PCMT1: variants seen among roughly 807,000 people sequenced by gnomAD.
PCMT1 encodes the protein protein-L-isoaspartate(D-aspartate) O-methyltransferase.
A neutral mutation model predicts 29.2 loss-of-function variants in PCMT1; 9 were observed. The observed-to-expected ratio is 0.31, with a 90% CI of 0.19 to 0.54. The LOEUF (loss-of-function observed/expected upper bound fraction) is 0.54. Ranked by LOEUF, PCMT1 falls within the 20% of genes least tolerant of loss-of-function variation. PCMT1 has a pLI of 0.95. For missense variants in PCMT1, 184 were observed against 282.2 expected, an observed-to-expected ratio of 0.65 and a Z score of 2.49; for synonymous variants, 98 against 97.5, an observed-to-expected ratio of 1.00 and a Z score of -0.03.
At chr6:149,785,355 CTTTT>C (rs11310169) in intron 3 of PCMT1, among the ~76,000 whole-genome samples, 3 of 73,236 alleles carry the variant, frequency 4.1e-5, no homozygotes, top group Admixed American at 1.5e-4. Flanking sequence ...TGGCTGTTTT[CTTTT>C]TTTTTTTTTT....
intron 1 of PCMT1, among the ~76,000 whole-genome samples, chr6:149,761,026 AGTGTGTGTGT>A (rs57501586): frequency 0.066 from 9,807 of 149,682 alleles, 1,104 homozygotes; most frequent in African/African-American, 0.23. Context: ...CAGGTAAAAA[AGTGTGTGTGT>A]GTGTGTGTGT....
intron 3 of PCMT1, among the ~76,000 whole-genome samples, chr6:149,781,637 C>T (rs1229087293): frequency 6.6e-6 from 1 of 152,090 alleles, no homozygotes; most frequent in African/African-American, 2.4e-5. Flanking sequence ...ATTACAAGCA[C>T]GAGCCACCAT....
At chr6:149,752,451 G>A (rs1786360072) in intron 1 of PCMT1, among the ~76,000 whole-genome samples, 1 of 151,948 alleles carries the variant, frequency 6.6e-6, no homozygotes, top group African/African-American at 2.4e-5. Context: ...TGCCTGCCTC[G>A]GCCTCCCAAA....
chr6:149,805,734 G>A (rs1775993149), intron 7 of PCMT1, among the ~76,000 whole-genome samples: 1 of 151,512 alleles, frequency 6.6e-6, no homozygotes. Context: ...TCAGGAGATC[G>A]AGACCATCCT....
chr6:149,753,213 A>G (rs1013344427), intron 1 of PCMT1, among the ~76,000 whole-genome samples: 9 of 152,210 alleles, frequency 5.9e-5, no homozygotes, highest in Admixed American at 5.2e-4. Context: ...TCTACTGTGT[A>G]TATTCTTCCT....
intron 3 of PCMT1, among the ~76,000 whole-genome samples, chr6:149,782,792 G>A (rs560324861): frequency 2.0e-4 from 30 of 152,026 alleles, no homozygotes; most frequent in African/African-American, 2.9e-4. Flanking sequence ...GGAAAAAAGC[G>A]AAAATGATTT....
At chr6:149,752,624 A>G (rs1786368305) in intron 1 of PCMT1, among the ~76,000 whole-genome samples, 1 of 152,230 alleles carries the variant, frequency 6.6e-6, no homozygotes, top group African/African-American at 2.4e-5. Flanking sequence ...GATGGCACAT[A>G]AGCTCAATAT....
intron 7 of PCMT1, among the ~76,000 whole-genome samples, chr6:149,808,740 G>A (rs896518382): frequency 2.0e-5 from 3 of 151,750 alleles, no homozygotes; most frequent in South Asian, 2.1e-4. Flanking sequence ...TGGTTTAAGC[G>A]ATTCTCCTGC....
intron 4 of PCMT1, among the ~76,000 whole-genome samples, chr6:149,793,015 T>A: frequency 6.6e-6 from 1 of 151,884 alleles, no homozygotes. Flanking sequence ...ACAAAAAAAT[T>A]AGCTGGGCAT....
At chr6:149,793,477 G>T in intron 4 of PCMT1, 72 bp from the exon 5 acceptor site, 2 of 1,318,702 alleles carry the variant, frequency 1.5e-6, no homozygotes, top group South Asian at 2.6e-5. Flanking sequence ...TTTCGATAAG[G>T]AAAAACTTCA....
intron 4 of PCMT1, among the ~76,000 whole-genome samples, chr6:149,790,622 C>T (rs1036173059): frequency 2.0e-5 from 3 of 150,440 alleles, no homozygotes; most frequent in Non-Finnish European, 4.4e-5. Context: ...AGGGGACTCT[C>T]TACAGTACTT....
intron 1 of PCMT1, among the ~76,000 whole-genome samples, chr6:149,760,326 A>G (rs1259957827): frequency 2.0e-5 from 3 of 152,030 alleles, no homozygotes; most frequent in Non-Finnish European, 4.4e-5. Context: ...CAGTTGCTAT[A>G]AAAAAAGACC....
rs139481696 is a variant in PCMT1, at chr6:149,807,524, C to T, written c.*38-3092C>T. 8.8e-3 allele frequency among the ~76,000 whole-genome samples: 1,343 copies of T among 152,142 alleles called. 34 individuals are homozygous for T. Among genetic ancestry groups the T allele is most frequent in the African/African-American group, 0.031 (1,302 of 41,482 alleles). ...TAGCTGGGACTACAGGCACGCACCA[C>T]GAGGCCCGGCTAATTTTTGTATTTT... is the stretch of plus-strand genomic sequence containing the variant. On this transcript the variant is annotated intron_variant, in intron 7 of 7. Coordinates refer to ENST00000464889, the MANE Select transcript of PCMT1 (RefSeq NM_001360452.2).
chr6:149,758,370 C>A (rs1355745333), intron 1 of PCMT1, among the ~76,000 whole-genome samples: 1 of 128,298 alleles, frequency 7.8e-6, no homozygotes, highest in Non-Finnish European at 1.6e-5. Context: ...GCTACCACGC[C>A]TGGCTAATTT....
intron 3 of PCMT1, among the ~76,000 whole-genome samples, chr6:149,787,248 G>A (rs1303484152): frequency 6.7e-6 from 1 of 148,454 alleles, no homozygotes; most frequent in African/African-American, 2.5e-5. Flanking sequence ...GCTTCGGCTC[G>A]GCATCAGAGG....
chr6:149,786,839 C>T (rs1440666228), intron 3 of PCMT1, among the ~76,000 whole-genome samples: 6 of 148,976 alleles, frequency 4.0e-5, no homozygotes, highest in Non-Finnish European at 8.9e-5. Flanking sequence ...GATGGGATGG[C>T]GGCTGGGCAG....
Position 149,749,947 on chromosome 6 carries a change from A to T in PCMT1, c.46A>T (p.Asn16Tyr). The T allele has an allele frequency of 6.2e-7, 1 of 1,610,772 alleles. No individual in the cohort carries two copies. Among genetic ancestry groups the T allele is most frequent in the Non-Finnish European group, 8.5e-7 (1 of 1,178,708 alleles). The change falls in exon 1 of 8, where the codon AAT (asparagine) becomes TAT (tyrosine). Residue 16 changes from asparagine to tyrosine, a missense_variant. By Grantham distance (143) the Asn-to-Tyr change is moderately radical (BLOSUM62 -2). Transcript: ENST00000464889. ...CGCCAGCCACTCGGAGCTAATCCAC[A>T]ATCTCCGCAGTAAGTGCCACCTCCG... Reference protein sequence around the residue: ...GGASHSELIHNLRKNGIIKTD... With the variant: ...GGASHSELIHYLRKNGIIKTD...
In PCMT1 at chr6:149,810,890, G is replaced by C. The variant is rs562572933; in HGVS notation, c.*312G>C. On this transcript the variant is annotated 3_prime_UTR_variant, in exon 8 of 8. Transcript: ENST00000464889. ...TTTACTTGGAAATATTAAAAGAAAG[G>C]GTTCTGTAAAATGGAAAACTTAGTT... 8.9e-5 allele frequency: 32 copies of C among 359,556 alleles called. No homozygotes were observed. Among genetic ancestry groups the C allele is most frequent in the African/African-American group, 2.9e-4 (14 of 47,560 alleles). The allele number at this position is 359,556 out of a possible 1,614,324, so 22.3% of individuals were successfully genotyped here.
At chr6:149,755,844 G>C (rs1786483757) in intron 1 of PCMT1, among the ~76,000 whole-genome samples, 1 of 152,174 alleles carries the variant, frequency 6.6e-6, no homozygotes, top group Non-Finnish European at 1.5e-5. Flanking sequence ...TAGGGAGGGA[G>C]GACAGAGTGT....
Sources: allele counts gnomAD v4.1 joint callset (sites outside exome capture counted in the v4.1 genomes callset), GRCh38; gene constraint gnomAD v4.1.1; transcripts MANE v1.5; gene names NCBI Gene and HGNC (gene_info 2026-07-23, HGNC 2026-07-21).